Variants in SMYD3 observed in about 807,000 individuals in gnomAD.
SMYD3 encodes histone-lysine N-methyltransferase SMYD3.
Under a neutral mutation model 57.7 loss-of-function variants are expected in SMYD3, and 36 were observed. The ratio of observed to expected loss-of-function variants is 0.62; its 90% confidence interval spans 0.48 to 0.82. SMYD3 has a LOEUF of 0.82. Ranked by LOEUF, SMYD3 falls within the 40% of genes least tolerant of loss-of-function variation. The pLI, the probability that SMYD3 is intolerant of heterozygous loss-of-function variation, is 0.00. For missense variants in SMYD3, 515 were observed against 538.8 expected (o/e 0.96, Z 0.44); for synonymous variants, 211 against 195.0 (o/e 1.08, Z -0.68).
At chr1:246,471,018 G>A (rs1418546999) in intron 1 of SMYD3, among the ~76,000 whole-genome samples, 2 of 151,966 alleles carry the variant, frequency 1.3e-5, no homozygotes, top group African/African-American at 4.8e-5. Flanking sequence ...TGTGTATAGA[G>A]AGGAAATAAA....
At chr1:246,022,572 A>T (rs1157809679) in intron 5 of SMYD3, among the ~76,000 whole-genome samples, 1 of 152,212 alleles carries the variant, frequency 6.6e-6, no homozygotes, top group African/African-American at 2.4e-5. Flanking sequence ...AAATGTTAGC[A>T]ATTATTATTA....
chr1:246,195,414 T>C (rs555869930), intron 5 of SMYD3, among the ~76,000 whole-genome samples: 4 of 152,232 alleles, frequency 2.6e-5, no homozygotes, highest in East Asian at 1.9e-4. Flanking sequence ...TCTGTGACAA[T>C]AGGTAACTTT....
chr1:246,446,991 T>C (rs1295045996), intron 1 of SMYD3, among the ~76,000 whole-genome samples: 1 of 146,300 alleles, frequency 6.8e-6, no homozygotes, highest in Non-Finnish European at 1.5e-5. Flanking sequence ...ATCGTGCCAC[T>C]GCACTCCAGC....
chr1:245,864,393 T>C (rs12120581), intron 8 of SMYD3, among the ~76,000 whole-genome samples: 84,532 of 152,104 alleles, frequency 0.56, 26,678 homozygotes, highest in Non-Finnish European at 0.73. Context: ...GACAATGGAA[T>C]ATGACTCCAC....
At chr1:246,053,236 G>A (rs996075541) in intron 5 of SMYD3, among the ~76,000 whole-genome samples, 9 of 152,008 alleles carry the variant, frequency 5.9e-5, no homozygotes, top group Admixed American at 1.3e-4. Context: ...CCATGTTCAC[G>A]ATTCAATATT....
At chr1:246,432,694 A>G (rs910377187) in intron 1 of SMYD3, among the ~76,000 whole-genome samples, 1 of 152,220 alleles carries the variant, frequency 6.6e-6, no homozygotes, top group Admixed American at 6.5e-5. Context: ...GCAGACTATT[A>G]TCTAAAGCAT....
chr1:246,205,649 G>A (rs535315313), intron 5 of SMYD3, among the ~76,000 whole-genome samples: 5 of 151,786 alleles, frequency 3.3e-5, no homozygotes, highest in South Asian at 4.1e-4. Context: ...GTGAAACCCC[G>A]TCTCTACTAA....
chr1:245,914,950 G>T (rs2055292723), intron 8 of SMYD3, among the ~76,000 whole-genome samples: 1 of 152,080 alleles, frequency 6.6e-6, no homozygotes, highest in South Asian at 2.1e-4. Flanking sequence ...TTGGGGTAGG[G>T]GTGGTAGGGT....
intron 6 of SMYD3, among the ~76,000 whole-genome samples, chr1:245,928,431 G>A (rs1338993287): frequency 1.3e-5 from 2 of 152,148 alleles, no homozygotes; most frequent in East Asian, 1.9e-4. Context: ...TAGGACTTTA[G>A]GAAGCCGAGG....
At chr1:246,493,118 C>T (rs1274090586) in intron 1 of SMYD3, among the ~76,000 whole-genome samples, 1 of 151,366 alleles carries the variant, frequency 6.6e-6, no homozygotes, top group Non-Finnish European at 1.5e-5. Flanking sequence ...TTTAAATAGG[C>T]AAATGGTATG....
intron 5 of SMYD3, among the ~76,000 whole-genome samples, chr1:245,967,569 G>C (rs1411616572): frequency 6.6e-6 from 1 of 152,190 alleles, no homozygotes; most frequent in Non-Finnish European, 1.5e-5. Flanking sequence ...GGCAAGAAAG[G>C]CTGGCCTGTG....
intron 5 of SMYD3, among the ~76,000 whole-genome samples, chr1:246,055,077 G>C (rs2060127902): frequency 1.3e-5 from 2 of 152,018 alleles, no homozygotes; most frequent in Non-Finnish European, 2.9e-5. Flanking sequence ...TCAGTAGGCT[G>C]AGGCAGGAGA....
intron 10 of SMYD3, among the ~76,000 whole-genome samples, chr1:245,786,691 G>A (rs936693996): frequency 2.0e-5 from 3 of 151,078 alleles, no homozygotes; most frequent in Non-Finnish European, 4.4e-5. Context: ...GAGTTCACAC[G>A]TGAAGCCTAA....
intron 1 of SMYD3, among the ~76,000 whole-genome samples, chr1:246,475,692 G>A (rs2068021548): frequency 6.6e-6 from 1 of 151,994 alleles, no homozygotes; most frequent in African/African-American, 2.4e-5. Context: ...TCGGCTCACT[G>A]CAACCTCCAC....
chr1:245,827,856 G>A (rs1034521587), intron 10 of SMYD3, among the ~76,000 whole-genome samples: 67 of 152,198 alleles, frequency 4.4e-4, no homozygotes, highest in African/African-American at 1.5e-3. Flanking sequence ...ATGAGGAGCC[G>A]AGTCCAGAAC....
intron 5 of SMYD3, among the ~76,000 whole-genome samples, chr1:246,096,854 A>G (rs1215658279): frequency 6.6e-6 from 1 of 152,200 alleles, no homozygotes; most frequent in Admixed American, 6.5e-5. Context: ...ATGTGCAACA[A>G]CCACCAAATG....
intron 5 of SMYD3, among the ~76,000 whole-genome samples, chr1:246,091,117 C>G (rs963302660): frequency 6.6e-6 from 1 of 152,162 alleles, no homozygotes; most frequent in Non-Finnish European, 1.5e-5. Context: ...GGCTGCTGTT[C>G]AAAGACTGGG....
chr1:245,998,080 C>G (rs2058967752), intron 5 of SMYD3, among the ~76,000 whole-genome samples: 1 of 152,178 alleles, frequency 6.6e-6, no homozygotes, highest in Non-Finnish European at 1.5e-5. Context: ...CAGGGCCTGC[C>G]AACACCTGTG....
chr1:246,067,375 C>T (rs767784467), intron 5 of SMYD3, among the ~76,000 whole-genome samples: 4 of 152,216 alleles, frequency 2.6e-5, no homozygotes, highest in Non-Finnish European at 5.9e-5. Flanking sequence ...CATCCACTCA[C>T]TCCCTTCAGC....
Sources: allele counts gnomAD v4.1 joint callset (sites outside exome capture counted in the v4.1 genomes callset), GRCh38; gene constraint gnomAD v4.1.1; transcripts MANE v1.5; gene names NCBI Gene and HGNC (gene_info 2026-07-23, HGNC 2026-07-21).